Variants in TSKS observed in about 807,000 individuals in gnomAD.
The protein encoded by TSKS is testis-specific serine kinase substrate.
A neutral mutation model predicts 68.0 loss-of-function variants in TSKS; 27 were observed. The observed-to-expected ratio is 0.40, with a 90% CI of 0.29 to 0.55. The LOEUF (loss-of-function observed/expected upper bound fraction) is 0.55, where lower values mean the gene tolerates loss of function less well. Among genes scored for constraint, TSKS ranks in the 20% least tolerant of loss-of-function variants. The pLI is 0.53. For synonymous variants in TSKS, 331 were observed against 340.4 expected, an observed-to-expected ratio of 0.97 and a Z score of 0.30; for missense variants, 806 against 776.0, an observed-to-expected ratio of 1.04 and a Z score of -0.46.
chr19:49,756,411 A>G (rs947993531), intron 2 of TSKS, among the ~76,000 whole-genome samples: 3 of 152,098 alleles, frequency 2.0e-5, no homozygotes, highest in Non-Finnish European at 4.4e-5. Context: ...GTGAGCTATG[A>G]TGGCACCATT....
chr19:49,753,759 TAATAAAAATAAATA>T (rs1352436311), intron 2 of TSKS, among the ~76,000 whole-genome samples: 1 of 149,380 alleles, frequency 6.7e-6, no homozygotes, highest in Admixed American at 6.7e-5. Context: ...TCTCAAATAA[TAATAAAAATAAATA>T]AATAAAAATA....
intron 6 of TSKS, among the ~76,000 whole-genome samples, chr19:49,745,931 C>G (rs1043102301): frequency 5.9e-5 from 9 of 152,196 alleles, no homozygotes; most frequent in African/African-American, 2.2e-4. Context: ...CGCCTGTAAT[C>G]CTAGCACTTT....
rs1225614022 is a variant in TSKS, at chr19:49,747,392, C to T, written c.660G>A (p.Leu220=). 4 of 1,614,114 alleles carry T rather than the reference C, an allele frequency of 2.5e-6. No individual in the cohort carries two copies. In the African/African-American group the frequency reaches 5.3e-5, roughly 22 times the overall value. The change falls in exon 5 of 11, where the codon CTG becomes CTA. Residue 220 remains leucine, a synonymous_variant. Transcript: ENST00000246801. The stretch of plus-strand genomic sequence containing the variant: ...GGGACTGCCCCCTAGCCCTTACCTC[C>T]AGCAGGGCAGAATTCTGCTTCAAGA... ...TNVLKQNSAL[L]EEKLRYLQQQ... is the part of the protein sequence containing the mutation.
In TSKS at chr19:49,747,258, G is replaced by A. The variant is rs564873121; in HGVS notation, c.663+131C>T. ...ATCCCTCTTATCAGCGAGTTCTAAG[G>A]ATGACTATGTGCACGAAGGTGCAGT... On this transcript the variant is annotated intron_variant, in intron 5 of 10. Coordinates refer to ENST00000246801, the MANE Select transcript of TSKS (RefSeq NM_021733.2). 6.4e-6 allele frequency: 10 copies of A among 1,572,978 alleles called. No homozygotes were observed. In the Admixed American group the frequency reaches 1.5e-4, roughly 23 times the overall value.
intron 2 of TSKS, 118 bp downstream of exon 2, chr19:49,761,886 C>T (rs2123634726): frequency 1.1e-5 from 9 of 798,422 alleles, no homozygotes; most frequent in South Asian, 3.6e-5. Flanking sequence ...CTCTGGGTCT[C>T]GAATGACCAG....
Position 49,745,938 on chromosome 19 carries a change from C to T in TSKS, c.992+532G>A, listed in dbSNP as rs185041895. Among the ~76,000 whole-genome samples the T allele has an allele frequency of 8.3e-3, 1,268 of 152,312 alleles. 11 individuals are homozygous for T. The highest frequency in any genetic ancestry group is 0.02 in the Middle Eastern group (6 of 294). ...GTGGCTCACGCCTGTAATCCTAGCACTTTGGGAGGCCGAGGCGGGCGGATC... is the reference window on the plus strand; with the variant it reads ...GTGGCTCACGCCTGTAATCCTAGCATTTTGGGAGGCCGAGGCGGGCGGATC... On this transcript the variant is annotated intron_variant, in intron 6 of 10. Coordinates refer to ENST00000246801, the MANE Select transcript of TSKS (RefSeq NM_021733.2).
At chr19:49,746,436 C>G (rs560788230) in intron 6 of TSKS, 34 bp downstream of exon 6, 1 of 1,611,148 alleles carries the variant, frequency 6.2e-7, no homozygotes, top group African/African-American at 1.3e-5. Flanking sequence ...CCGCCGATCT[C>G]GTTTTCGAGG....
intron 2 of TSKS, among the ~76,000 whole-genome samples, chr19:49,760,372 G>C (rs566526302): frequency 4.1e-4 from 62 of 151,680 alleles, no homozygotes; most frequent in Admixed American, 1.2e-3. Context: ...CCAGGCTGGA[G>C]TGCAGTGGCG....
chr19:49,750,869 CT>C, intron 2 of TSKS, among the ~76,000 whole-genome samples: 1 of 152,232 alleles, frequency 6.6e-6, no homozygotes, highest in South Asian at 2.1e-4. Flanking sequence ...CTCATGGTTG[CT>C]GAACTAATAC....
At position 49,749,389 on chromosome 19, in the gene TSKS, A is replaced by G. The variant is rs61252145; in HGVS notation, c.400-920T>C. On this transcript the variant is annotated intron_variant, in intron 2 of 10. Transcript: ENST00000246801. ...TGACACCATGTGGCCTCTGGTCATC[A>G]TTACTTTATATCACATAAAGTGTTG... Among the ~76,000 whole-genome samples the G allele has an allele frequency of 1.1e-4, 17 of 152,286 alleles. No individual in the cohort carries two copies. In the East Asian group the frequency reaches 2.7e-3, roughly 24 times the overall value.
At position 49,745,410 on chromosome 19, in the gene TSKS, G is replaced by A; in HGVS notation, c.993-14C>T. ...GACACCTCTCTCCTGGAGGGGCAGA[G>A]GAGGGGAATGGGTAGGGGCTAGGCT... On this transcript the variant is annotated splice_polypyrimidine_tract_variant and intron_variant, in intron 6 of 10. Transcript: ENST00000246801. 6.6e-7 allele frequency: 1 copy of A among 1,523,086 alleles called. No individual in the cohort carries two copies. The highest frequency in any genetic ancestry group is 1.2e-5 in the South Asian group (1 of 82,870). The allele number at this position is 1,523,086 out of a possible 1,614,324, so 94.3% of individuals were successfully genotyped here.
intron 8 of TSKS, among the ~76,000 whole-genome samples, chr19:49,743,763 G>A (rs1359002187): frequency 1.3e-5 from 2 of 151,976 alleles, no homozygotes; most frequent in African/African-American, 4.8e-5. Flanking sequence ...GCCTCCCAAA[G>A]TGCTGGGATT....
intron 4 of TSKS, among the ~76,000 whole-genome samples, chr19:49,747,726 T>C (rs2084314719): frequency 6.6e-6 from 1 of 152,166 alleles, no homozygotes; most frequent in Non-Finnish European, 1.5e-5. Flanking sequence ...TTTTTTCTTT[T>C]GAGACTGAGT....
intron 9 of TSKS, 64 bp downstream of exon 9, chr19:49,741,821 G>C: frequency 6.2e-7 from 1 of 1,608,868 alleles, no homozygotes; most frequent in South Asian, 1.1e-5. Flanking sequence ...TGAGTCCGGG[G>C]TTCCCCTCCC....
intron 2 of TSKS, among the ~76,000 whole-genome samples, chr19:49,751,411 T>C (rs943214716): frequency 7.9e-5 from 12 of 151,228 alleles, no homozygotes; most frequent in African/African-American, 2.9e-4. Flanking sequence ...TTCTGGAAAT[T>C]AACCAAAGGC....
chr19:49,744,121 T>C (rs2084275707), intron 8 of TSKS, 110 bp downstream of exon 8: 3 of 1,166,284 alleles, frequency 2.6e-6, no homozygotes, highest in Non-Finnish European at 3.7e-6. Flanking sequence ...TGGGATACCT[T>C]GTCTCCCAAA....
intron 2 of TSKS, among the ~76,000 whole-genome samples, chr19:49,756,329 T>C (rs1442737832): frequency 6.6e-6 from 1 of 151,980 alleles, no homozygotes; most frequent in East Asian, 1.9e-4. Context: ...TACAGTGGCA[T>C]GTGCTTGTGG....
chr19:49,752,871 T>C (rs1273737653), intron 2 of TSKS, among the ~76,000 whole-genome samples: 1 of 152,182 alleles, frequency 6.6e-6, no homozygotes, highest in Non-Finnish European at 1.5e-5. Flanking sequence ...CTGGCTGACC[T>C]TGAAACCTTG....
intron 2 of TSKS, 25 bp downstream of exon 2, chr19:49,761,979 A>G: frequency 1.3e-6 from 2 of 1,589,980 alleles, no homozygotes; most frequent in Non-Finnish European, 1.7e-6. Context: ...GGTCCTCCCC[A>G]GCGGGTGGTG....
Sources: allele counts gnomAD v4.1 joint callset (sites outside exome capture counted in the v4.1 genomes callset), GRCh38; gene constraint gnomAD v4.1.1; transcripts MANE v1.5; gene names NCBI Gene and HGNC (gene_info 2026-07-23, HGNC 2026-07-21).